GLI3: variants seen among roughly 807,000 people sequenced by gnomAD.
GLI3 encodes the protein GLI family zinc finger 3, also known as transcription activator GLI3.
In GLI3, 20 loss-of-function variants were observed where a neutral mutation model predicts 100.8. That is an observed-to-expected ratio of 0.20 (90% confidence interval 0.14 to 0.29). GLI3 has a LOEUF of 0.29. Ranked by LOEUF, GLI3 falls within the 10% of genes least tolerant of loss-of-function variation. The pLI, the probability that GLI3 is intolerant of heterozygous loss-of-function variation, is 1.00. For missense variants in GLI3, 2,040 were observed against 2,128.5 expected (o/e 0.96, Z 0.82); for synonymous variants, 938 against 860.5 (o/e 1.09, Z -1.58).
chr7:42,172,374 T>C, intron 2 of GLI3: 1 of 599,878 alleles, frequency 1.7e-6, no homozygotes, highest in East Asian at 2.8e-5. Flanking sequence ...CTTAACTCAC[T>C]GCCTCTGTGG....
intron 1 of GLI3, among the ~76,000 whole-genome samples, chr7:42,232,039 AT>A (rs1788704893): frequency 6.6e-6 from 1 of 152,114 alleles, no homozygotes; most frequent in Non-Finnish European, 1.5e-5. Flanking sequence ...AATTAATTTA[AT>A]TTTGTGGCAT....
intron 3 of GLI3, among the ~76,000 whole-genome samples, chr7:42,107,824 C>T (rs528340363): frequency 3.9e-5 from 6 of 152,276 alleles, no homozygotes; most frequent in African/African-American, 7.2e-5. Context: ...ATCAGCAACG[C>T]GACCTGTGTT....
chr7:42,201,419 AG>A (rs1157280536), intron 2 of GLI3, among the ~76,000 whole-genome samples: 1 of 152,188 alleles, frequency 6.6e-6, no homozygotes, highest in Non-Finnish European at 1.5e-5. Context: ...GGACAGGTTA[AG>A]TACTTTATTC....
chr7:41,966,114 A>G lies in GLI3; in HGVS notation c.2959T>C (p.Tyr987His), dbSNP rs1433454388. 3 of 1,577,624 alleles carry G rather than the reference A, an allele frequency of 1.9e-6. No homozygotes were observed. The African/African-American group carries it at 4.0e-5, about 21-fold the overall frequency. ...TGCGGCTGCAGGTGGCGCCGCCCGT[A>G]GCCGTGGGCTCCCCCGTCGCTGCAC... ...RRCSDGGAHG[Y>H]GRRHLQPHDA... Residue 987 changes from tyrosine (Y) to histidine (H), a missense_variant, in exon 15 of 15, where the codon TAC becomes CAC. By Grantham distance (83) the Tyr-to-His change is moderately conservative. Transcript: ENST00000395925. This position sits in a 1 kb window ranked among gnomAD's most constrained non-coding sequence, Gnocchi z 5.8.
In GLI3 at chr7:41,987,101, G is replaced by GACACACACACACAC. The variant is rs34005460; in HGVS notation, c.1498-8367_1498-8354dup. 6.2e-3 allele frequency among the ~76,000 whole-genome samples: 879 copies of GACACACACACACAC among 140,686 alleles called. 6 individuals are homozygous for GACACACACACACAC. Among genetic ancestry groups the GACACACACACACAC allele is most frequent in the Non-Finnish European group, 0.01 (665 of 64,822 alleles). The allele number at this position is 140,686 out of a possible 152,430, so 92.3% of individuals were successfully genotyped here. A position where few individuals can be genotyped will look rare whatever the true frequency, so the allele number is the denominator to read the frequency against. ...TACAACATACACAGACACAGACACA[G>GACACACACACACAC]ACACACACACACACACACACACACA... On this transcript the variant is annotated intron_variant, in intron 10 of 14. Transcript: ENST00000395925.
intron 1 of GLI3, among the ~76,000 whole-genome samples, chr7:42,252,215 A>G (rs1789040292): frequency 6.6e-6 from 1 of 152,166 alleles, no homozygotes; most frequent in Non-Finnish European, 1.5e-5. Flanking sequence ...GCTGGAGGCC[A>G]TTATTCTTAG....
chr7:42,009,095 G>T (rs544786924), intron 10 of GLI3, among the ~76,000 whole-genome samples: 1 of 152,294 alleles, frequency 6.6e-6, no homozygotes, highest in East Asian at 1.9e-4. Flanking sequence ...GCCAAGCCAT[G>T]CCCTTATCAT....
chr7:42,028,534 CG>C (rs985059701), intron 7 of GLI3, among the ~76,000 whole-genome samples: 1 of 152,080 alleles, frequency 6.6e-6, no homozygotes, highest in Non-Finnish European at 1.5e-5. Flanking sequence ...GAGGTTGAGG[CG>C]GGTGGGTCAC....
chr7:42,235,168 T>C (rs550747345), intron 1 of GLI3, among the ~76,000 whole-genome samples: 1 of 152,346 alleles, frequency 6.6e-6, no homozygotes, highest in South Asian at 2.1e-4. Context: ...ACACATGTAA[T>C]TAAGAAACTG....
At chr7:41,997,055 C>T (rs1486145951) in intron 10 of GLI3, among the ~76,000 whole-genome samples, 1 of 152,178 alleles carries the variant, frequency 6.6e-6, no homozygotes, top group Non-Finnish European at 1.5e-5. Flanking sequence ...CTGGGAGAGA[C>T]ACTCCCGTAA....
chr7:42,009,480 C>CTTT (rs3030324), intron 10 of GLI3, among the ~76,000 whole-genome samples: 18 of 118,362 alleles, frequency 1.5e-4, no homozygotes, highest in South Asian at 2.8e-4. Context: ...GCAAATTGTT[C>CTTT]TTTTTTTTTT....
In GLI3 at chr7:41,965,032, C is replaced by G; in HGVS notation, c.4041G>C (p.Gln1347His). The change falls in exon 15 of 15, where the codon CAG becomes CAC. Residue 1347 changes from glutamine (Q) to histidine (H), a missense_variant. Physicochemically the swap from Gln to His is conservative, Grantham distance 24 (BLOSUM62 0). Coordinates refer to ENST00000395925, the MANE Select transcript of GLI3 (RefSeq NM_000168.6). ...TGTTGATGTGTGAGGTAGCACTAAT[C>G]TGCCCAAGCATCTGCTGACCGGGGC... ...AGRPGQQMLGQISATSHINIY... is the reference protein window; with the variant it reads ...AGRPGQQMLGHISATSHINIY... The G allele has an allele frequency of 6.2e-7, 1 of 1,613,942 alleles. No individual in the cohort carries two copies. The highest frequency in any genetic ancestry group is 1.1e-5 in the South Asian group (1 of 91,086).
intron 3 of GLI3, among the ~76,000 whole-genome samples, chr7:42,138,482 G>C (rs559252384): frequency 6.6e-6 from 1 of 152,224 alleles, no homozygotes; most frequent in Non-Finnish European, 1.5e-5. Flanking sequence ...TGGGATCACA[G>C]ACACCAAGTT....
intron 1 of GLI3, among the ~76,000 whole-genome samples, chr7:42,233,888 A>G (rs186032159): frequency 1.3e-3 from 201 of 152,028 alleles, no homozygotes; most frequent in Admixed American, 2.0e-3. Context: ...ACGTGTGTGT[A>G]TGTGTGTGTG....
chr7:42,132,848 A>T (rs1786327537), intron 3 of GLI3, among the ~76,000 whole-genome samples: 1 of 152,188 alleles, frequency 6.6e-6, no homozygotes, highest in Non-Finnish European at 1.5e-5. Context: ...GCAGAGCATC[A>T]TCTTAGGAAA....
chr7:42,001,994 T>G (rs1278306677), intron 10 of GLI3, among the ~76,000 whole-genome samples: 3 of 152,100 alleles, frequency 2.0e-5, no homozygotes, highest in Admixed American at 6.6e-5. Context: ...AAAAACACTA[T>G]TTTTAAAACA....
At chr7:42,133,342 G>A (rs1392956813) in intron 3 of GLI3, among the ~76,000 whole-genome samples, 3 of 152,132 alleles carry the variant, frequency 2.0e-5, no homozygotes, top group African/African-American at 4.8e-5. Flanking sequence ...ACAAGTAAAC[G>A]ACAGAACACA....
rs769375582 is a variant in GLI3, at chr7:41,965,380, G to A, written c.3693C>T (p.Leu1231=). The A allele has an allele frequency of 6.2e-7, 1 of 1,612,798 alleles. No individual in the cohort carries two copies. Among genetic ancestry groups the A allele is most frequent in the Admixed American group, 1.7e-5 (1 of 59,982 alleles). Residue 1231 remains leucine (L), a synonymous_variant, in exon 15 of 15, where the codon CTC becomes CTT. Transcript: ENST00000395925. ...TGGTGCCACTTCCGGGGCTGTTGTG[G>A]AGCATCAAGTGCTCTGGGCCACCGT... ...NPYGGPEHLM[L]HNSPGSGTSG...
intron 3 of GLI3, among the ~76,000 whole-genome samples, chr7:42,105,915 C>A (rs1785563979): frequency 6.6e-6 from 1 of 152,160 alleles, no homozygotes; most frequent in African/African-American, 2.4e-5. Flanking sequence ...GGTACATCCG[C>A]TTATCCAAGG....
Sources: allele counts gnomAD v4.1 joint callset (sites outside exome capture counted in the v4.1 genomes callset), GRCh38; gene constraint gnomAD v4.1.1; non-coding constraint Gnocchi (gnomAD v3.1); transcripts MANE v1.5; gene names NCBI Gene and HGNC (gene_info 2026-07-23, HGNC 2026-07-21).